Variants in RGS6 observed in about 807,000 individuals in gnomAD.
RGS6 encodes the protein regulator of G protein signaling 6.
In RGS6, 30 loss-of-function variants were observed where a neutral mutation model predicts 78.5. The observed-to-expected ratio is 0.38, with a 90% CI of 0.29 to 0.52. The LOEUF (loss-of-function observed/expected upper bound fraction) is 0.52. RGS6 is among the 20% of genes least tolerant of loss of function. The pLI, the probability that RGS6 is intolerant of heterozygous loss-of-function variation, is 0.85. For synonymous variants in RGS6, 206 were observed against 206.0 expected (o/e 1.00, Z 0.00); for missense variants, 495 against 609.7 (o/e 0.81, Z 1.98).
intron 3 of RGS6, among the ~76,000 whole-genome samples, chr14:72,438,062 G>C (rs1304073108): frequency 2.6e-5 from 4 of 152,192 alleles, no homozygotes; most frequent in Admixed American, 6.5e-5. Flanking sequence ...CAGGAAAAAG[G>C]GGGGTGGAAA....
chr14:72,176,655 A>G (rs1335981747), intron 2 of RGS6, among the ~76,000 whole-genome samples: 1 of 152,156 alleles, frequency 6.6e-6, no homozygotes, highest in Non-Finnish European at 1.5e-5. Context: ...GAGTGAGCTT[A>G]GGTCCGTGAA....
At chr14:71,999,876 T>TA (rs975953814) in intron 2 of RGS6, among the ~76,000 whole-genome samples, 3 of 151,558 alleles carry the variant, frequency 2.0e-5, no homozygotes, top group African/African-American at 7.3e-5. Flanking sequence ...CTTTTTTTTT[T>TA]TTTATAAATT....
At chr14:72,166,233 A>G (rs2096925864) in intron 2 of RGS6, among the ~76,000 whole-genome samples, 1 of 151,738 alleles carries the variant, frequency 6.6e-6, no homozygotes, top group African/African-American at 2.4e-5. Flanking sequence ...CAAAATCTCC[A>G]CTTTAGTTGC....
intron 2 of RGS6, among the ~76,000 whole-genome samples, chr14:72,032,432 G>A (rs983671334): frequency 2.0e-5 from 3 of 152,008 alleles, no homozygotes; most frequent in African/African-American, 4.8e-5. Flanking sequence ...ATAAGACTGG[G>A]TATTTTTCAT....
chr14:72,585,134 A>T, the RGS6 span, among the ~76,000 whole-genome samples: 1 of 152,090 alleles, frequency 6.6e-6, no homozygotes, highest in Non-Finnish European at 1.5e-5. Context: ...ACGACTCCCA[A>T]ATCTATACTT....
rs75634435 is a variant in RGS6 at position 72,419,319 on chromosome 14, A to G, written c.185-35209A>G. On this transcript the variant is annotated intron_variant, in intron 3 of 17. Transcript: ENST00000553525. ...TGCACGGCAGCTGTATGAAGAGAAT[A>G]CTGTCATTATCTTCACTGCATAGGT... Among the ~76,000 whole-genome samples, 622 of 152,348 alleles carry G rather than the reference A, an allele frequency of 4.1e-3. 8 individuals are homozygous for G. The highest frequency in any genetic ancestry group is 0.014 in the African/African-American group (602 of 41,592).
intron 2 of RGS6, chr14:72,022,536 C>T (rs1205701393): frequency 1.3e-5 from 2 of 152,104 alleles, no homozygotes; most frequent in African/African-American, 4.8e-5. Context: ...ATTATGATTC[C>T]CATTTTGCAG....
intron 17 of RGS6, chr14:72,552,854 G>A (rs946790953): frequency 6.6e-6 from 1 of 152,124 alleles, no homozygotes; most frequent in Non-Finnish European, 1.5e-5. Context: ...CCTTTTTCAT[G>A]GGGGAGAATT....
intron 2 of RGS6, among the ~76,000 whole-genome samples, chr14:71,968,904 C>T (rs2153066888): frequency 6.6e-6 from 1 of 152,302 alleles, no homozygotes; most frequent in Non-Finnish European, 1.5e-5. Flanking sequence ...TATACATGTG[C>T]CATGTTGGTG....
At chr14:72,302,037 T>C (rs2066179208) in intron 2 of RGS6, among the ~76,000 whole-genome samples, 1 of 152,196 alleles carries the variant, frequency 6.6e-6, no homozygotes. Context: ...ATGAACAGAT[T>C]TGGAAATCTA....
intron 2 of RGS6, among the ~76,000 whole-genome samples, chr14:71,981,951 A>C (rs1005932998): frequency 6.6e-6 from 1 of 151,820 alleles, no homozygotes; most frequent in African/African-American, 2.4e-5. Context: ...CCGTGGGCGT[A>C]GGACCCTCCG....
intron 2 of RGS6, among the ~76,000 whole-genome samples, chr14:72,127,720 A>G (rs2096233121): frequency 6.6e-6 from 1 of 152,148 alleles, no homozygotes; most frequent in Non-Finnish European, 1.5e-5. Context: ...ACTATCTTGT[A>G]AAGCTATAGT....
intron 2 of RGS6, among the ~76,000 whole-genome samples, chr14:72,125,423 C>T (rs1489632160): frequency 6.6e-6 from 1 of 152,168 alleles, no homozygotes; most frequent in Non-Finnish European, 1.5e-5. Context: ...CTTCACATCC[C>T]CTTTCAAGTA....
chr14:72,107,458 G>A (rs1248694389), intron 2 of RGS6, among the ~76,000 whole-genome samples: 1 of 152,020 alleles, frequency 6.6e-6, no homozygotes, highest in Admixed American at 6.6e-5. Context: ...CAGACCAAGA[G>A]TCAGCCATTT....
chr14:72,176,258 A>G (rs1476564212), intron 2 of RGS6, among the ~76,000 whole-genome samples: 2 of 152,206 alleles, frequency 1.3e-5, no homozygotes. Context: ...GGAACCCAAG[A>G]AAGTGATACA....
At chr14:72,449,392 A>C (rs1306285771) in intron 3 of RGS6, among the ~76,000 whole-genome samples, 1 of 152,206 alleles carries the variant, frequency 6.6e-6, no homozygotes, top group Non-Finnish European at 1.5e-5. Context: ...ATCTGGGCTC[A>C]GATTGATAGA....
chr14:72,423,058 AG>A lies in RGS6; in HGVS notation c.185-31468del, dbSNP rs34509966. The stretch of plus-strand genomic sequence containing the variant: ...ACTATCAAGAGTAGAAGGGCCTGAC[AG>A]GTGGCCACACGGCAGGTGAGTCAGA... On this transcript the variant is annotated intron_variant, in intron 3 of 17. Transcript: ENST00000553525. Among the ~76,000 whole-genome samples the A allele has an allele frequency of 9.1e-3, 1,389 of 152,372 alleles. 21 individuals are homozygous for A. The highest frequency in any genetic ancestry group is 0.03 in the African/African-American group (1,256 of 41,590).
chr14:72,255,428 A>G (rs2056864871), intron 2 of RGS6, among the ~76,000 whole-genome samples: 2 of 152,214 alleles, frequency 1.3e-5, no homozygotes, highest in South Asian at 4.1e-4. Flanking sequence ...TAGGACAGAT[A>G]CCAACATACT....
At chr14:72,112,580 A>G (rs1303873532) in intron 2 of RGS6, among the ~76,000 whole-genome samples, 1 of 152,236 alleles carries the variant, frequency 6.6e-6, no homozygotes, top group Non-Finnish European at 1.5e-5. Context: ...GATAATTACA[A>G]TAAGAATCGT....
Sources: gnomAD v4.1 joint callset for allele counts (sites outside exome capture counted in the v4.1 genomes callset) on GRCh38, gnomAD v4.1.1 for gene constraint, MANE v1.5 for transcripts, NCBI Gene and HGNC (gene_info 2026-07-23, HGNC 2026-07-21) for gene names.